The following CFDP1 variants were observed in gnomAD, a reference collection of about 807,000 sequenced individuals.
CFDP1 encodes the protein heterochromatin-stabilizing protein CFDP1.
In CFDP1, 31 loss-of-function variants were observed where a neutral mutation model predicts 40.1. That is an observed-to-expected ratio of 0.77 (90% CI 0.58 to 1.04). CFDP1 has a LOEUF of 1.04. Ranked by LOEUF, CFDP1 falls within the 50% of genes least tolerant of loss-of-function variation. CFDP1 has a pLI of 0.00. For missense variants in CFDP1, 423 were observed against 343.4 expected (o/e 1.23, Z -1.83); for synonymous variants, 167 against 120.0 (o/e 1.39, Z -2.56).
intron 1 of CFDP1, among the ~76,000 whole-genome samples, chr16:75,427,646 T>G (rs113262361): frequency 0.021 from 3,260 of 152,276 alleles, 56 homozygotes; most frequent in South Asian, 0.043. Context: ...CTCTCAAACT[T>G]GTTACCAACA....
intron 5 of CFDP1, among the ~76,000 whole-genome samples, chr16:75,349,650 CAAAAAAAAAAAAAAAA>C (rs61472076): frequency 8.6e-4 from 20 of 23,230 alleles, no homozygotes; most frequent in East Asian, 4.1e-3. Flanking sequence ...GACTCCGTCT[CAAAAAAAAAAAAAAAA>C]AAAAAAAAAA....
chr16:75,432,261 C>T, intron 1 of CFDP1, among the ~76,000 whole-genome samples: 1 of 146,348 alleles, frequency 6.8e-6, no homozygotes. Flanking sequence ...CTAGCCGGGG[C>T]GCGGTGGCTC....
At chr16:75,407,664 A>AAG (rs1049032442) in intron 4 of CFDP1, among the ~76,000 whole-genome samples, 1 of 146,544 alleles carries the variant, frequency 6.8e-6, no homozygotes, top group Non-Finnish European at 1.5e-5. Context: ...CAAAAAAAAA[A>AAG]AAAAAAAAGA....
chr16:75,296,186 G>A (rs1051649795), intron 6 of CFDP1, among the ~76,000 whole-genome samples: 1 of 152,216 alleles, frequency 6.6e-6, no homozygotes, highest in Admixed American at 6.5e-5. Context: ...ACCTGTCTGG[G>A]AGATCAGGTG....
Position 75,414,597 on chromosome 16 carries a change from C to A in CFDP1, c.163G>T (p.Ala55Ser), listed in dbSNP as rs775567073. 3.1e-6 allele frequency: 5 copies of A among 1,612,976 alleles called. No homozygotes were observed. Among genetic ancestry groups the A allele is most frequent in the East Asian group, 2.2e-5 (1 of 44,864 alleles). ...TQKTQGKKRK[A>S]QSIPARKRRQ... ...CATCACCTGGCTGGAATGCTCTGGG[C>A]CTTTCTTTTTTTCCCTTGGGTTTTC... is the stretch of plus-strand genomic sequence containing the variant. The change falls in exon 2 of 7, where the codon GCC becomes TCC. Residue 55 changes from alanine to serine, a missense_variant. Ala to Ser is a moderately conservative substitution (Grantham distance 99, BLOSUM62 1). Transcript: ENST00000283882.
intron 5 of CFDP1, among the ~76,000 whole-genome samples, chr16:75,350,326 G>T (rs2078602092): frequency 6.6e-6 from 1 of 152,046 alleles, no homozygotes; most frequent in Non-Finnish European, 1.5e-5. Context: ...TTCCTATGTG[G>T]CTACACCATT....
At chr16:75,359,219 G>A (rs1244749749) in intron 5 of CFDP1, among the ~76,000 whole-genome samples, 1 of 152,070 alleles carries the variant, frequency 6.6e-6, no homozygotes, top group Non-Finnish European at 1.5e-5. Flanking sequence ...AAATATACTA[G>A]TTTATTTTAA....
intron 5 of CFDP1, among the ~76,000 whole-genome samples, chr16:75,365,143 A>G (rs1037437836): frequency 6.6e-6 from 1 of 152,218 alleles, no homozygotes; most frequent in African/African-American, 2.4e-5. Context: ...CTAAGCCCAT[A>G]AACAGCTTAC....
chr16:75,362,934 T>G (rs1463918312), intron 5 of CFDP1: 1 of 152,174 alleles, frequency 6.6e-6, no homozygotes, highest in African/African-American at 2.4e-5. Context: ...TGGCAGATCT[T>G]ATGGCAATGG....
chr16:75,344,207 T>C (rs1039346353), intron 5 of CFDP1, among the ~76,000 whole-genome samples: 1 of 152,240 alleles, frequency 6.6e-6, no homozygotes, highest in African/African-American at 2.4e-5. Context: ...TGTCAGTATA[T>C]ACAAGGCTTT....
At chr16:75,386,920 T>C (rs1335025477) in intron 5 of CFDP1, among the ~76,000 whole-genome samples, 1 of 152,230 alleles carries the variant, frequency 6.6e-6, no homozygotes, top group African/African-American at 2.4e-5. Context: ...GTGAATGAAA[T>C]TGCCTTTAAT....
chr16:75,392,610 G>A (rs975398892), intron 5 of CFDP1, among the ~76,000 whole-genome samples: 2 of 152,190 alleles, frequency 1.3e-5, no homozygotes, highest in South Asian at 4.1e-4. Context: ...CGATTCTGCT[G>A]CCTCAGCCTC....
At position 75,359,228 on chromosome 16, in the gene CFDP1, AATTTC is replaced by A. The variant is rs1267703448; in HGVS notation, c.650+35857_650+35861del. Among the ~76,000 whole-genome samples, 18 of 152,328 alleles carry A rather than the reference AATTTC, an allele frequency of 1.2e-4. No homozygotes were observed. The East Asian group carries it at 3.5e-3, about 29-fold the overall frequency. On this transcript the variant is annotated intron_variant, in intron 5 of 6. Coordinates refer to ENST00000283882, the MANE Select transcript of CFDP1 (RefSeq NM_006324.3). Reference sequence around the variant, plus strand: ...TTTTAAAAATATACTAGTTTATTTTAATTTCTTATACTATAAATAACAACAGTTAT... The same window carrying A: ...TTTTAAAAATATACTAGTTTATTTTATTATACTATAAATAACAACAGTTAT...
chr16:75,362,561 A>C (rs768795336), intron 5 of CFDP1, among the ~76,000 whole-genome samples: 19 of 152,188 alleles, frequency 1.2e-4, no homozygotes, highest in Non-Finnish European at 2.6e-4. Flanking sequence ...TGGCTCAAGA[A>C]ACCATGTAAC....
Position 75,322,276 on chromosome 16 carries a change from GT to G in CFDP1, c.651-17095del, listed in dbSNP as rs1375014619. Among the ~76,000 whole-genome samples, 4 of 152,364 alleles carry G rather than the reference GT, an allele frequency of 2.6e-5. No individual in the cohort carries two copies. The East Asian group carries it at 5.8e-4, about 22-fold the overall frequency. On this transcript the variant is annotated intron_variant, in intron 5 of 6. Coordinates refer to ENST00000283882, the MANE Select transcript of CFDP1 (RefSeq NM_006324.3). ...ATATCACCAACACTATTTCGGATCT[GT>G]GTTTTTAAAGCACTTGGGTACAGTG...
rs757689971 is a variant in CFDP1 at position 75,414,665 on chromosome 16, T to A, written c.95A>T (p.Glu32Val). 51 of 1,612,298 alleles carry A rather than the reference T, an allele frequency of 3.2e-5. 1 individual carries two copies. In the South Asian group the frequency reaches 5.5e-4, roughly 17 times the overall value. The change falls in exon 2 of 7, where the codon GAA becomes GTA. Residue 32 changes from glutamate (E) to valine (V), a missense_variant. By Grantham distance (121) the Glu-to-Val change is moderately radical. Transcript: ENST00000283882. ...ATCCACTTCATCTTCCTTCACTAAT[T>A]CATTTACATCATCTTCACTATACTC... ...GGEYSEDDVN[E>V]LVKEDEVDGE...
intron 1 of CFDP1, among the ~76,000 whole-genome samples, chr16:75,423,704 C>CG (rs1259891664): frequency 1.3e-5 from 2 of 152,150 alleles, no homozygotes; most frequent in Admixed American, 1.3e-4. Context: ...TTAGTTGAGA[C>CG]GGGGTTTCAC....
intron 5 of CFDP1, among the ~76,000 whole-genome samples, chr16:75,342,989 G>A (rs1173531357): frequency 1.3e-5 from 2 of 152,074 alleles, no homozygotes; most frequent in Non-Finnish European, 2.9e-5. Flanking sequence ...AATCCAATGG[G>A]GTCACTGGAG....
intron 5 of CFDP1, 48 bp downstream of exon 5, chr16:75,395,042 C>A: frequency 6.2e-7 from 1 of 1,609,150 alleles, no homozygotes; most frequent in Non-Finnish European, 8.5e-7. Context: ...GCACTGAAAG[C>A]TTCTCCAACG....
Sources: allele counts gnomAD v4.1 joint callset (sites outside exome capture counted in the v4.1 genomes callset), GRCh38; gene constraint gnomAD v4.1.1; transcripts MANE v1.5; gene names NCBI Gene and HGNC (gene_info 2026-07-23, HGNC 2026-07-21).